Variants in GLIS3 observed in about 807,000 individuals in gnomAD.
GLIS3 encodes GLIS family zinc finger 3.
In GLIS3, 53 loss-of-function variants were observed where a neutral mutation model predicts 78.6. The observed-to-expected ratio is 0.67, with a 90% confidence interval of 0.54 to 0.85. The LOEUF is 0.85. Among genes scored for constraint, GLIS3 ranks in the 40% least tolerant of loss-of-function variants. The pLI is 0.00. For synonymous variants in GLIS3, 684 were observed against 509.9 expected, an observed-to-expected ratio of 1.34 and a Z score of -4.60; for missense variants, 1,703 against 1,231.1, an observed-to-expected ratio of 1.38 and a Z score of -5.74.
intron 2 of GLIS3, among the ~76,000 whole-genome samples, chr9:4,338,874 G>C (rs770859833): frequency 2.0e-5 from 3 of 152,200 alleles, no homozygotes; most frequent in Non-Finnish European, 2.9e-5. Context: ...CCTGAGTCTT[G>C]GGATTTTTTT....
intron 2 of GLIS3, among the ~76,000 whole-genome samples, chr9:4,250,505 C>A (rs1563831555): frequency 6.6e-6 from 1 of 151,850 alleles, no homozygotes; most frequent in East Asian, 1.9e-4. Flanking sequence ...ATTATTCTCT[C>A]TTTTCTTATT....
chr9:3,830,240 G>T (rs1268039513), intron 9 of GLIS3, among the ~76,000 whole-genome samples: 1 of 151,766 alleles, frequency 6.6e-6, no homozygotes, highest in Non-Finnish European at 1.5e-5. Context: ...TTTTCCTTGG[G>T]GTCCCATGTG....
At chr9:4,034,722 C>T (rs1824162383) in intron 4 of GLIS3, 1 of 152,162 alleles carries the variant, frequency 6.6e-6, no homozygotes, top group Admixed American at 6.6e-5. Flanking sequence ...GCCTTTCTGC[C>T]CTCAGGAGCC....
the GLIS3 span, among the ~76,000 whole-genome samples, chr9:4,371,886 G>T: frequency 6.6e-6 from 1 of 152,072 alleles, no homozygotes; most frequent in African/African-American, 2.4e-5. Flanking sequence ...CACAATAAAC[G>T]CATCCAGAAT....
intron 2 of GLIS3, among the ~76,000 whole-genome samples, chr9:4,313,770 C>T (rs1817398988): frequency 6.6e-6 from 1 of 152,172 alleles, no homozygotes; most frequent in African/African-American, 2.4e-5. Context: ...CGCAGCCTTC[C>T]CTGGGAGTCT....
chr9:4,125,660 A>G, intron 3 of GLIS3, 74 bp downstream of exon 3: 1 of 942,308 alleles, frequency 1.1e-6, no homozygotes. Context: ...GTGTGTATTC[A>G]GAAAGAGAAC....
upstream of GLIS3, among the ~76,000 whole-genome samples, chr9:4,301,117 A>T (rs773735960): frequency 6.6e-6 from 1 of 152,186 alleles, no homozygotes; most frequent in Non-Finnish European, 1.5e-5. Flanking sequence ...TTTCAGTGGG[A>T]ATACTACTAG....
chr9:3,998,836 CTATT>C (rs1216098954), intron 4 of GLIS3, among the ~76,000 whole-genome samples: 2 of 150,442 alleles, frequency 1.3e-5, no homozygotes, highest in African/African-American at 4.9e-5. Flanking sequence ...AAAGTCGAAA[CTATT>C]TAAGTAGGTA....
upstream of GLIS3, among the ~76,000 whole-genome samples, chr9:4,304,089 A>C (rs1817164506): frequency 6.6e-6 from 1 of 150,638 alleles, no homozygotes; most frequent in Non-Finnish European, 1.5e-5. Context: ...TAAATGGATT[A>C]ATTAATGAGA....
chr9:4,136,808 A>G lies in GLIS3; in HGVS notation c.389-10867T>C, dbSNP rs182089395. Among the ~76,000 whole-genome samples the G allele has an allele frequency of 9.8e-4, 149 of 152,322 alleles. 1 individual carries two copies. The highest frequency in any genetic ancestry group is 1.4e-3 in the Non-Finnish European group (92 of 68,038). On this transcript the variant is annotated intron_variant, in intron 2 of 10. Coordinates refer to ENST00000381971, the MANE Select transcript of GLIS3 (RefSeq NM_001042413.2). Reference sequence around the variant, plus strand: ...GGGTTGGTTCAATCAGCCCTGAAGAACTGATTTAAAAGCTGGACATTACTT... The same window carrying G: ...GGGTTGGTTCAATCAGCCCTGAAGAGCTGATTTAAAAGCTGGACATTACTT...
chr9:3,893,492 G>C (rs923145558), intron 7 of GLIS3, among the ~76,000 whole-genome samples: 1 of 152,128 alleles, frequency 6.6e-6, no homozygotes, highest in African/African-American at 2.4e-5. Context: ...CAAAATATGA[G>C]CAGTGTCATT....
chr9:4,279,220 C>G (rs1365328627), intron 2 of GLIS3, among the ~76,000 whole-genome samples: 1 of 148,380 alleles, frequency 6.7e-6, no homozygotes, highest in African/African-American at 2.5e-5. Flanking sequence ...ACTGCTTGAA[C>G]CCAGGAGGCA....
chr9:4,064,828 T>C (rs932640275), intron 4 of GLIS3, among the ~76,000 whole-genome samples: 1 of 152,166 alleles, frequency 6.6e-6, no homozygotes, highest in South Asian at 2.1e-4. Flanking sequence ...CAAACTGAAA[T>C]TGAGGACTAA....
At chr9:4,305,318 C>G (rs902014939) in intron 4 of GLIS3, 1 of 152,246 alleles carries the variant, frequency 6.6e-6, no homozygotes, top group Non-Finnish European at 1.5e-5. Context: ...CCCAACTTCA[C>G]CGCTAACCGA....
intron 2 of GLIS3, among the ~76,000 whole-genome samples, chr9:4,165,706 T>A (rs1448945609): frequency 6.6e-6 from 1 of 152,188 alleles, no homozygotes; most frequent in East Asian, 1.9e-4. Flanking sequence ...ATGATGTGCC[T>A]ATGCAGATAT....
intron 2 of GLIS3, among the ~76,000 whole-genome samples, chr9:4,236,408 C>T (rs1456330837): frequency 1.3e-5 from 2 of 152,100 alleles, no homozygotes; most frequent in African/African-American, 4.8e-5. Flanking sequence ...TAAGAATTCC[C>T]ACTTTTTAAA....
At chr9:4,179,110 C>T (rs946617588) in intron 2 of GLIS3, among the ~76,000 whole-genome samples, 2 of 152,162 alleles carry the variant, frequency 1.3e-5, no homozygotes, top group African/African-American at 2.4e-5. Flanking sequence ...GACATTGTTT[C>T]GCCTCGGTAT....
At chr9:4,321,421 CAAAAAAAAAAAAAAAAAAAAAAAAAAAAA>C (rs35583742) in intron 2 of GLIS3, among the ~76,000 whole-genome samples, 5 of 16,304 alleles carry the variant, frequency 3.1e-4, no homozygotes, top group Middle Eastern at 0.038. Flanking sequence ...GACTCCGTCT[CAAAAAAAAAAAAAAAAAAAAAAAAAAAAA>C]AAAAAAAAAA....
At chr9:3,849,667 G>A (rs1438595352) in intron 9 of GLIS3, among the ~76,000 whole-genome samples, 1 of 152,112 alleles carries the variant, frequency 6.6e-6, no homozygotes, top group Non-Finnish European at 1.5e-5. Context: ...CAGCACTTTG[G>A]GAGGCTGGGG....
Sources: gnomAD v4.1 joint callset for allele counts (sites outside exome capture counted in the v4.1 genomes callset) on GRCh38, gnomAD v4.1.1 for gene constraint, MANE v1.5 for transcripts, NCBI Gene and HGNC (gene_info 2026-07-23, HGNC 2026-07-21) for gene names.